The following AMBRA1 variants were observed in gnomAD, a reference collection of about 807,000 sequenced individuals.
The protein encoded by AMBRA1 is activating molecule in BECN1-regulated autophagy protein 1.
Under a neutral mutation model 125.4 loss-of-function variants are expected in AMBRA1, and 47 were observed. The ratio of observed to expected loss-of-function variants is 0.37; its 90% CI spans 0.30 to 0.48. The LOEUF is 0.48. Ranked by LOEUF, AMBRA1 falls within the 20% of genes least tolerant of loss-of-function variation. The pLI is 0.99. For missense variants in AMBRA1, 1,331 were observed against 1,693.4 expected, an observed-to-expected ratio of 0.79 and a Z score of 3.76; for synonymous variants, 626 against 655.5, an observed-to-expected ratio of 0.95 and a Z score of 0.69.
chr11:46,453,175 G>A (rs771448751), intron 11 of AMBRA1, among the ~76,000 whole-genome samples: 1 of 152,062 alleles, frequency 6.6e-6, no homozygotes, highest in East Asian at 1.9e-4. Flanking sequence ...AAATCATATG[G>A]TAGGTGGCCT....
In AMBRA1 at chr11:46,405,898, A is replaced by T. The variant is rs143374983; in HGVS notation, c.3403+2615T>A. On this transcript the variant is annotated intron_variant, in intron 17 of 17. Coordinates refer to ENST00000683756, the MANE Select transcript of AMBRA1 (RefSeq NM_001387011.1). The stretch of plus-strand genomic sequence containing the variant: ...AGATGCGTGCCACCATGCTCGGCTA[A>T]TTTTTTGTATATTTAGTAGAGACAA... Among the ~76,000 whole-genome samples, 942 of 150,936 alleles carry T rather than the reference A, an allele frequency of 6.2e-3. 13 individuals carry two copies. Among genetic ancestry groups the T allele is most frequent in the African/African-American group, 0.022 (899 of 41,216 alleles).
chr11:46,521,938 A>C (rs1181955873), intron 7 of AMBRA1, among the ~76,000 whole-genome samples: 1 of 152,220 alleles, frequency 6.6e-6, no homozygotes, highest in African/African-American at 2.4e-5. Flanking sequence ...AATATAAACA[A>C]TTCACAGAGT....
At chr11:46,543,929 A>G in intron 6 of AMBRA1, 46 bp downstream of exon 6, 1 of 1,470,300 alleles carries the variant, frequency 6.8e-7, no homozygotes. Flanking sequence ...TAGTTAAGAA[A>G]AGAACTCACA....
intron 1 of AMBRA1, among the ~76,000 whole-genome samples, chr11:46,575,737 G>A (rs544579808): frequency 5.2e-4 from 79 of 152,072 alleles, no homozygotes; most frequent in African/African-American, 1.7e-3. Context: ...GGCTGGTCTC[G>A]AACTCCTGAC....
intron 1 of AMBRA1, among the ~76,000 whole-genome samples, chr11:46,592,964 A>C (rs2044660407): frequency 6.7e-6 from 1 of 148,590 alleles, no homozygotes; most frequent in South Asian, 2.1e-4. Flanking sequence ...CAATGTAGAC[A>C]ACAAGGTTAT....
At chr11:46,463,478 G>A (rs777614522) in intron 11 of AMBRA1, among the ~76,000 whole-genome samples, 1 of 152,136 alleles carries the variant, frequency 6.6e-6, no homozygotes, top group Admixed American at 6.5e-5. Flanking sequence ...TGGACTATTC[G>A]ACTGTCAGCT....
chr11:46,424,793 T>C (rs553625229), intron 14 of AMBRA1, among the ~76,000 whole-genome samples: 32 of 152,154 alleles, frequency 2.1e-4, no homozygotes, highest in African/African-American at 7.7e-4. Flanking sequence ...TGGGCTATGA[T>C]AGTGCCACTG....
chr11:46,410,234 G>A, intron 16 of AMBRA1, 42 bp downstream of exon 16: 1 of 1,591,382 alleles, frequency 6.3e-7, no homozygotes, highest in African/African-American at 1.3e-5. Flanking sequence ...AGGAAGGGAT[G>A]GGCCTCCAGC....
intron 17 of AMBRA1, among the ~76,000 whole-genome samples, chr11:46,403,713 ACC>A (rs1473315801): frequency 2.0e-5 from 3 of 152,174 alleles, no homozygotes; most frequent in East Asian, 3.9e-4. Flanking sequence ...GCGTGCAAAT[ACC>A]CCTGTGGAGG....
intron 1 of AMBRA1, among the ~76,000 whole-genome samples, chr11:46,579,506 C>A (rs2135306693): frequency 6.6e-6 from 1 of 152,192 alleles, no homozygotes; most frequent in East Asian, 1.9e-4. Context: ...TAGATAAACC[C>A]TTAAGGCCAA....
At chr11:46,461,391 C>A (rs1358594385) in intron 11 of AMBRA1, among the ~76,000 whole-genome samples, 5 of 152,154 alleles carry the variant, frequency 3.3e-5, no homozygotes, top group Admixed American at 2.0e-4. Context: ...AGATACTACT[C>A]TAAAATTTCT....
intron 17 of AMBRA1, among the ~76,000 whole-genome samples, chr11:46,401,494 C>A (rs1355246898): frequency 6.6e-6 from 1 of 152,176 alleles, no homozygotes; most frequent in Non-Finnish European, 1.5e-5. Flanking sequence ...CCACTTGGAC[C>A]TCCCAAAGTT....
intron 7 of AMBRA1, among the ~76,000 whole-genome samples, chr11:46,541,613 A>G (rs1952746491): frequency 6.6e-6 from 1 of 152,128 alleles, no homozygotes; most frequent in African/African-American, 2.4e-5. Flanking sequence ...TGCACATACA[A>G]TGTCTCGACA....
chr11:46,566,925 G>T (rs774219843), intron 1 of AMBRA1, among the ~76,000 whole-genome samples: 1 of 152,114 alleles, frequency 6.6e-6, no homozygotes, highest in African/African-American at 2.4e-5. Context: ...CTGCTAAAAT[G>T]TAAGAATATG....
chr11:46,487,612 T>C (rs1392509602), intron 11 of AMBRA1, among the ~76,000 whole-genome samples: 1 of 152,074 alleles, frequency 6.6e-6, no homozygotes, highest in Non-Finnish European at 1.5e-5. Context: ...GTGAAAAATG[T>C]TTCTATATCT....
At chr11:46,561,711 T>G (rs2043344864) in intron 1 of AMBRA1, among the ~76,000 whole-genome samples, 1 of 152,148 alleles carries the variant, frequency 6.6e-6, no homozygotes, top group African/African-American at 2.4e-5. Context: ...AAAATTTCCC[T>G]CGAGGCTTCA....
rs1278564154 is a variant in AMBRA1 at position 46,397,117 on chromosome 11, GCTCT to G, written c.*329_*332del. 4.6e-6 allele frequency: 1 copy of G among 216,960 alleles called. No homozygotes were observed. The highest frequency in any genetic ancestry group is 9.0e-6 in the Non-Finnish European group (1 of 111,022). The allele number at this position is 216,960 out of a possible 1,614,324, so 13.4% of individuals were successfully genotyped here. A position where few individuals can be genotyped will look rare whatever the true frequency, so the allele number is the denominator to read the frequency against. On this transcript the variant is annotated 3_prime_UTR_variant, in exon 18 of 18. Coordinates refer to ENST00000683756, the MANE Select transcript of AMBRA1 (RefSeq NM_001387011.1). The stretch of plus-strand genomic sequence containing the variant: ...CTGGAAGACTGTTCACTCTCTGGAG[GCTCT>G]CTGTCCAGGGCTGAGTCCCCTGAGC...
chr11:46,485,145 C>G (rs1295241735), intron 11 of AMBRA1, among the ~76,000 whole-genome samples: 1 of 152,134 alleles, frequency 6.6e-6, no homozygotes, highest in Non-Finnish European at 1.5e-5. Flanking sequence ...ACCATGTTGG[C>G]CAGGCTGGTC....
At chr11:46,473,155 A>G (rs181852986) in intron 11 of AMBRA1, among the ~76,000 whole-genome samples, 1 of 152,382 alleles carries the variant, frequency 6.6e-6, no homozygotes, top group African/African-American at 2.4e-5. Flanking sequence ...ACTTTAATGC[A>G]ACGTCACTGG....
Sources: gnomAD v4.1 joint callset for allele counts (sites outside exome capture counted in the v4.1 genomes callset) on GRCh38, gnomAD v4.1.1 for gene constraint, MANE v1.5 for transcripts, NCBI Gene and HGNC (gene_info 2026-07-23, HGNC 2026-07-21) for gene names.